KIF18A: variants seen among roughly 807,000 people sequenced by gnomAD.
KIF18A encodes the protein kinesin-like protein KIF18A.
KIF18A carries 67 observed loss-of-function variants against 103.3 expected under a neutral mutation model. The observed-to-expected ratio is 0.65, with a 90% CI of 0.53 to 0.79. The LOEUF (loss-of-function observed/expected upper bound fraction) is 0.79, where lower values mean the gene tolerates loss of function less well. KIF18A is among the 30% of genes least tolerant of loss of function. KIF18A has a pLI of 0.00. For missense variants in KIF18A, 1,032 were observed against 1,062.5 expected (o/e 0.97, Z 0.40); for synonymous variants, 367 against 355.5 (o/e 1.03, Z -0.36).
chr11:28,047,874 A>C (rs1303238159), intron 13 of KIF18A, among the ~76,000 whole-genome samples: 1 of 152,166 alleles, frequency 6.6e-6, no homozygotes, highest in Admixed American at 6.6e-5. Context: ...TCATAACTTA[A>C]AATTGGGTTA....
chr11:28,083,090 A>C (rs1164001052), intron 8 of KIF18A, 79 bp downstream of exon 8: 61 of 1,514,018 alleles, frequency 4.0e-5, no homozygotes, highest in Non-Finnish European at 5.3e-5. Flanking sequence ...AATATGTTAA[A>C]TTTTTGGACA....
At chr11:28,054,495 C>A (rs12797689) in intron 13 of KIF18A, among the ~76,000 whole-genome samples, 29,043 of 152,128 alleles carry the variant, frequency 0.19, 3,188 homozygotes, top group Non-Finnish European at 0.25. Flanking sequence ...CAGGCGTAAG[C>A]CACTGTCCCT....
At chr11:28,091,556 A>C in intron 3 of KIF18A, 43 bp from the exon 4 acceptor site, 1 of 1,070,402 alleles carries the variant, frequency 9.3e-7, no homozygotes. Flanking sequence ...GTAAAAAAAA[A>C]AAATGGTGAT....
chr11:28,066,389 A>G (rs960919195), intron 11 of KIF18A, among the ~76,000 whole-genome samples: 7 of 152,026 alleles, frequency 4.6e-5, no homozygotes, highest in African/African-American at 1.7e-4. Context: ...GTATTCCTAC[A>G]GGCACTGTGA....
intron 10 of KIF18A, among the ~76,000 whole-genome samples, chr11:28,073,479 T>C (rs1029117853): frequency 6.6e-6 from 1 of 152,068 alleles, no homozygotes; most frequent in African/African-American, 2.4e-5. Context: ...TGATTAAGAG[T>C]GCAGGCTCTG....
At chr11:28,097,357 A>T in intron 2 of KIF18A, 1 of 364,174 alleles carries the variant, frequency 2.7e-6, no homozygotes. Context: ...ATGTGGTTTA[A>T]TAACATAGGC....
At chr11:28,098,194 A>C (rs1851400134) in intron 1 of KIF18A, among the ~76,000 whole-genome samples, 1 of 152,022 alleles carries the variant, frequency 6.6e-6, no homozygotes, top group South Asian at 2.1e-4. Flanking sequence ...ATATGCACTT[A>C]AGTACCCTAA....
At chr11:28,027,279 T>G (rs911652942) in intron 15 of KIF18A, among the ~76,000 whole-genome samples, 3 of 151,838 alleles carry the variant, frequency 2.0e-5, no homozygotes, top group Non-Finnish European at 2.9e-5. Context: ...TGCATTCAAT[T>G]TATAGGATAT....
intron 15 of KIF18A, among the ~76,000 whole-genome samples, chr11:28,024,875 GGGA>G (rs1850295448): frequency 6.6e-6 from 1 of 151,886 alleles, no homozygotes; most frequent in Non-Finnish European, 1.5e-5. Context: ...ATCGACGGGG[GGGA>G]TATCTTCTAA....
At position 28,021,369 on chromosome 11, in the gene KIF18A, T is replaced by C. The variant is rs7939630; in HGVS notation, c.2615-87A>G. 6,676 of 1,099,592 alleles carry C rather than the reference T, an allele frequency of 6.1e-3. 257 individuals carry two copies. The African/African-American group carries it at 0.091, about 15-fold the overall frequency. The allele number at this position is 1,099,592 out of a possible 1,614,324, so 68.1% of individuals were successfully genotyped here. ...GTTCAACTTATAAAAATTATGACCA[T>C]AGAAAGAAAAATTTACTCTTGAAAT... is the stretch of plus-strand genomic sequence containing the variant. On this transcript the variant is annotated intron_variant, in intron 16 of 16. Coordinates refer to ENST00000263181, the MANE Select transcript of KIF18A (RefSeq NM_031217.4).
intron 3 of KIF18A, among the ~76,000 whole-genome samples, 164 bp downstream of exon 3, chr11:28,094,477 TAA>T (rs201296054): frequency 2.2e-5 from 3 of 137,406 alleles, no homozygotes; most frequent in Non-Finnish European, 3.2e-5. Context: ...TTTGCCAAAG[TAA>T]AAAAAAAAAA....
intron 11 of KIF18A, among the ~76,000 whole-genome samples, chr11:28,063,668 T>C (rs919420791): frequency 1.3e-5 from 2 of 151,938 alleles, no homozygotes; most frequent in Admixed American, 1.3e-4. Context: ...GAAATTTTAT[T>C]GGAAAAATTT....
intron 15 of KIF18A, among the ~76,000 whole-genome samples, chr11:28,034,595 G>C (rs1004539972): frequency 2.0e-4 from 30 of 151,736 alleles, no homozygotes; most frequent in Non-Finnish European, 4.0e-4. Context: ...CTTTCAGCTA[G>C]GCATCTTAGC....
intron 13 of KIF18A, among the ~76,000 whole-genome samples, chr11:28,038,371 T>A (rs1850520140): frequency 6.6e-6 from 1 of 151,662 alleles, no homozygotes; most frequent in South Asian, 2.1e-4. Context: ...ATTAACTTTT[T>A]TCTACTCTAC....
intron 10 of KIF18A, among the ~76,000 whole-genome samples, chr11:28,076,017 G>A (rs1851086725): frequency 6.6e-6 from 1 of 151,842 alleles, no homozygotes; most frequent in Non-Finnish European, 1.5e-5. Context: ...TGGTTGGCAA[G>A]AATTTTTTTT....
intron 13 of KIF18A, among the ~76,000 whole-genome samples, chr11:28,053,995 T>C (rs10742186): frequency 1 from 151,281 of 151,842 alleles, 75,367 homozygotes; most frequent in Middle Eastern, 1. Context: ...AGGAGAGTTA[T>C]TTGGCAATAT....
intron 13 of KIF18A, among the ~76,000 whole-genome samples, chr11:28,043,233 T>G (rs1168100167): frequency 2.6e-5 from 4 of 151,992 alleles, no homozygotes; most frequent in African/African-American, 7.2e-5. Context: ...CTGTTGGCTA[T>G]ATCACACATG....
intron 13 of KIF18A, among the ~76,000 whole-genome samples, chr11:28,048,592 AAT>A (rs1180075548): frequency 6.6e-6 from 1 of 152,098 alleles, no homozygotes; most frequent in Non-Finnish European, 1.5e-5. Flanking sequence ...ACTAAATACT[AAT>A]ATAAGTTAAT....
intron 15 of KIF18A, among the ~76,000 whole-genome samples, chr11:28,029,313 T>A (rs1850364124): frequency 6.6e-6 from 1 of 152,038 alleles, no homozygotes; most frequent in African/African-American, 2.4e-5. Flanking sequence ...CAGCAGCACA[T>A]CAAAAAGCTT....
Sources: allele counts gnomAD v4.1 joint callset (sites outside exome capture counted in the v4.1 genomes callset), GRCh38; gene constraint gnomAD v4.1.1; transcripts MANE v1.5; gene names NCBI Gene and HGNC (gene_info 2026-07-23, HGNC 2026-07-21).